The following TXLNB variants were observed in gnomAD, a reference collection of about 807,000 sequenced individuals.
TXLNB encodes the protein taxilin beta, also known as beta-taxilin.
A neutral mutation model predicts 57.4 loss-of-function variants in TXLNB; 37 were observed. The ratio of observed to expected loss-of-function variants is 0.64; its 90% CI spans 0.50 to 0.85. TXLNB has a LOEUF of 0.85. Ranked by LOEUF, TXLNB falls within the 40% of genes least tolerant of loss-of-function variation. The pLI, the probability that TXLNB is intolerant of heterozygous loss-of-function variation, is 0.00. For synonymous variants in TXLNB, 302 were observed against 309.6 expected (o/e 0.98, Z 0.26); for missense variants, 848 against 825.6 (o/e 1.03, Z -0.33).
chr6:139,168,339 T>C, the TXLNB span, among the ~76,000 whole-genome samples: 1 of 152,098 alleles, frequency 6.6e-6, no homozygotes, highest in Non-Finnish European at 1.5e-5. Context: ...CCAAGAAGTA[T>C]AGGGTTTTAT....
chr6:139,247,403 G>A (rs1055034193), intron 8 of TXLNB, among the ~76,000 whole-genome samples: 1 of 150,156 alleles, frequency 6.7e-6, no homozygotes, highest in Non-Finnish European at 1.5e-5. Flanking sequence ...GGCTCCCAAA[G>A]TGCTGGGATT....
chr6:139,270,380 T>A (rs1457811373), intron 4 of TXLNB, 76 bp downstream of exon 4: 1 of 1,393,518 alleles, frequency 7.2e-7, no homozygotes, highest in Admixed American at 2.3e-5. Context: ...AAATTCACAC[T>A]CTTTCCATGA....
chr6:139,197,232 ACCT>A, the TXLNB span, among the ~76,000 whole-genome samples: 1 of 152,122 alleles, frequency 6.6e-6, no homozygotes, highest in Non-Finnish European at 1.5e-5. Flanking sequence ...CTGCTGCCTA[ACCT>A]CCTATTTCCC....
At chr6:139,214,665 A>G in the TXLNB span, among the ~76,000 whole-genome samples, 1 of 152,208 alleles carries the variant, frequency 6.6e-6, no homozygotes, top group Non-Finnish European at 1.5e-5. Context: ...AGGGCATTCA[A>G]TTAGGAAAAG....
the TXLNB span, chr6:139,159,390 A>C: frequency 6.6e-6 from 1 of 152,202 alleles, no homozygotes; most frequent in African/African-American, 2.4e-5. Context: ...ATTTGTAATA[A>C]CCAGTTCACT....
chr6:139,243,239 G>A lies in TXLNB; in HGVS notation c.1342C>T (p.Gln448Ter). 6.2e-7 allele frequency: 1 copy of A among 1,613,950 alleles called. No individual in the cohort carries two copies. The highest frequency in any genetic ancestry group is 1.6e-4 in the Middle Eastern group (1 of 6,062). Reference protein sequence around the residue: ...GRLENLCRALQEERNELHKKI... With the variant: ...GRLENLCRAL The stretch of plus-strand genomic sequence containing the variant: ...TTGTGGAGTTCGTTTCTCTCTTCTT[G>A]TAAAGCACGGCAGAGGTTCTCTAGC... Residue 448 changes from glutamine to a stop codon, truncating the protein, a stop_gained, in exon 10 of 10, where the codon CAA (glutamine) becomes TAA (stop). Coordinates refer to ENST00000358430, the MANE Select transcript of TXLNB (RefSeq NM_153235.4). LOFTEE classifies it low-confidence loss of function (END_TRUNC).
rs940179387 is a variant in TXLNB, at chr6:139,240,627, G to A, written c.*1899C>T. On this transcript the variant is annotated 3_prime_UTR_variant, in exon 10 of 10. Transcript: ENST00000358430. ...ATGAATGTTTAAATCTCTAAGACTT[G>A]CAGTAATGTTGAATTTGGCTGGATA... The A allele has an allele frequency of 6.6e-6, 1 of 152,648 alleles. No homozygotes were observed. Among genetic ancestry groups the A allele is most frequent in the Non-Finnish European group, 1.5e-5 (1 of 68,046 alleles). 9.5% of individuals were successfully genotyped at this position (152,648 alleles called of 1,614,324 possible).
At position 139,262,683 on chromosome 6, in the gene TXLNB, G is replaced by A. The variant is rs780370621; in HGVS notation, c.778C>T (p.Gln260Ter). Residue 260 changes from glutamine to a stop codon, truncating the protein, a stop_gained, in exon 5 of 10, where the codon CAG (glutamine) becomes TAG (stop). Coordinates refer to ENST00000358430, the MANE Select transcript of TXLNB (RefSeq NM_153235.4). LOFTEE classifies it high-confidence loss of function. ...TTTCGCTCACTCTGCTGCTCGATCT[G>A]GCCCTGGATGTCCGTGAGGGTACTC... ...FQSTLTDIQG[Q>*]IEQQSERNMK... is the part of the protein sequence containing the mutation. The A allele has an allele frequency of 1.2e-6, 2 of 1,614,180 alleles. No individual in the cohort carries two copies. Among genetic ancestry groups the A allele is most frequent in the Non-Finnish European group, 1.7e-6 (2 of 1,180,020 alleles).
intron 6 of TXLNB, among the ~76,000 whole-genome samples, chr6:139,255,924 AAAC>A (rs773548066): frequency 2.2e-3 from 327 of 150,370 alleles, no homozygotes; most frequent in Admixed American, 5.0e-3. Context: ...AAAAAAAAAA[AAAC>A]CAAAATTAGT....
In TXLNB at chr6:139,242,128, G is replaced by A. The variant is rs1285263520; in HGVS notation, c.*398C>T. The A allele has an allele frequency of 6.4e-6, 1 of 156,738 alleles. No homozygotes were observed. Among genetic ancestry groups the A allele is most frequent in the Non-Finnish European group, 1.4e-5 (1 of 71,374 alleles). 9.7% of individuals were successfully genotyped at this position (156,738 alleles called of 1,614,324 possible). On this transcript the variant is annotated 3_prime_UTR_variant, in exon 10 of 10. Coordinates refer to ENST00000358430, the MANE Select transcript of TXLNB (RefSeq NM_153235.4). The stretch of plus-strand genomic sequence containing the variant: ...ACCTGGGCATCCATAAATTACTATG[G>A]AACTTGTTAAACTATATATCCAAAT...
At chr6:139,238,023 T>C (rs1039970583), downstream of TXLNB, among the ~76,000 whole-genome samples, 3 of 152,214 alleles carry the variant, frequency 2.0e-5, no homozygotes, top group Non-Finnish European at 4.4e-5. Flanking sequence ...TTCTACCAAA[T>C]ATCCTTATTT....
the TXLNB span, among the ~76,000 whole-genome samples, chr6:139,228,676 T>C: frequency 6.6e-6 from 1 of 152,106 alleles, no homozygotes; most frequent in East Asian, 1.9e-4. Context: ...TGATTCCTCT[T>C]GGTAGGCAGA....
At chr6:139,278,594 C>T (rs182428555) in intron 2 of TXLNB, among the ~76,000 whole-genome samples, 2 of 151,628 alleles carry the variant, frequency 1.3e-5, no homozygotes, top group East Asian at 3.9e-4. Context: ...AGACTACAAT[C>T]TCAAGTTAGA....
chr6:139,266,431 A>C (rs1457999210), intron 4 of TXLNB, among the ~76,000 whole-genome samples: 1 of 152,250 alleles, frequency 6.6e-6, no homozygotes, highest in Non-Finnish European at 1.5e-5. Context: ...TCTGAAATTA[A>C]AAATCGCAAA....
chr6:139,257,132 TTTATTA>T (rs1053906067), intron 6 of TXLNB, among the ~76,000 whole-genome samples: 1 of 152,200 alleles, frequency 6.6e-6, no homozygotes, highest in Non-Finnish European at 1.5e-5. Context: ...TTGTTTGGTT[TTTATTA>T]TTATTTTTAA....
the TXLNB span, among the ~76,000 whole-genome samples, chr6:139,306,610 T>G: frequency 6.6e-6 from 1 of 152,252 alleles, no homozygotes; most frequent in African/African-American, 2.4e-5. Context: ...CATATGGGCC[T>G]TTGATCTAAA....
chr6:139,237,279 ATCAGGAGG>A (rs1249351497), downstream of TXLNB: 1 of 152,152 alleles, frequency 6.6e-6, no homozygotes, highest in Non-Finnish European at 1.5e-5. Context: ...AGGCAGGCAG[ATCAGGAGG>A]TCAGGAGATC....
At chr6:139,191,012 A>G in the TXLNB span, among the ~76,000 whole-genome samples, 1 of 152,212 alleles carries the variant, frequency 6.6e-6, no homozygotes, top group South Asian at 2.1e-4. Flanking sequence ...AGAAAGGGGG[A>G]CAGATACAAG....
At chr6:139,286,402 T>C (rs1777176163) in intron 2 of TXLNB, among the ~76,000 whole-genome samples, 2 of 150,738 alleles carry the variant, frequency 1.3e-5, no homozygotes, top group African/African-American at 2.5e-5. Context: ...CTTCAGAAAA[T>C]ACCATCTCCT....
Sources: allele counts gnomAD v4.1 joint callset (sites outside exome capture counted in the v4.1 genomes callset), GRCh38; gene constraint gnomAD v4.1.1; transcripts MANE v1.5; gene names NCBI Gene and HGNC (gene_info 2026-07-23, HGNC 2026-07-21).